The following TSHZ2 variants were observed in gnomAD, a reference collection of about 807,000 sequenced individuals.
TSHZ2 encodes the protein teashirt zinc finger homeobox 2, also known as teashirt homolog 2.
A neutral mutation model predicts 74.4 loss-of-function variants in TSHZ2; 21 were observed. The observed-to-expected ratio is 0.28, with a 90% CI of 0.20 to 0.41. The LOEUF (loss-of-function observed/expected upper bound fraction) is 0.41, where lower values mean the gene tolerates loss of function less well. Ranked by LOEUF, TSHZ2 falls within the 10% of genes least tolerant of loss-of-function variation. TSHZ2 has a pLI of 1.00. For synonymous variants in TSHZ2, 540 were observed against 515.3 expected (o/e 1.05, Z -0.65); for missense variants, 1,244 against 1,293.5 (o/e 0.96, Z 0.59).
chr20:53,185,820 T>C (rs578093055), intron 1 of TSHZ2: 18 of 1,102,350 alleles, frequency 1.6e-5, no homozygotes, highest in South Asian at 1.6e-4. Context: ...AGTAATTTAA[T>C]TGAGTTTTTA....
chr20:53,073,947 T>A (rs1985287739), intron 1 of TSHZ2, among the ~76,000 whole-genome samples: 1 of 152,192 alleles, frequency 6.6e-6, no homozygotes, highest in East Asian at 1.9e-4. Flanking sequence ...GGGGCAGGAT[T>A]TTGCTACATA....
At chr20:53,229,693 C>T (rs1989773740) in intron 1 of TSHZ2, among the ~76,000 whole-genome samples, 1 of 151,804 alleles carries the variant, frequency 6.6e-6, no homozygotes, top group African/African-American at 2.4e-5. Flanking sequence ...GCACTCTCTT[C>T]TCTGCCTTTC....
At position 53,058,415 on chromosome 20, in the gene TSHZ2, A is replaced by G. The variant is rs1984713375; in HGVS notation, c.40+85082A>G. ...AACTAATTCACCTGAAGTCACAATC[A>G]TAACAGGCTACAGTTTGTGAGGCCT... On this transcript the variant is annotated intron_variant, in intron 1 of 2. Coordinates refer to ENST00000371497, the MANE Select transcript of TSHZ2 (RefSeq NM_173485.6). Among the ~76,000 whole-genome samples the G allele has an allele frequency of 1.3e-5, 2 of 152,236 alleles. 1 individual carries two copies. The highest frequency in any genetic ancestry group is 4.1e-4 in the South Asian group (2 of 4,836).
At chr20:53,216,199 C>G (rs1234599192) in intron 1 of TSHZ2, among the ~76,000 whole-genome samples, 1 of 151,360 alleles carries the variant, frequency 6.6e-6, no homozygotes, top group Non-Finnish European at 1.5e-5. Context: ...AAGTCAACAC[C>G]CAAGGAATGT....
chr20:53,236,881 A>G (rs1437250242), intron 1 of TSHZ2, among the ~76,000 whole-genome samples: 1 of 152,164 alleles, frequency 6.6e-6, no homozygotes, highest in African/African-American at 2.4e-5. Context: ...TTCACTCACT[A>G]TTATAAGAAC....
At chr20:53,229,580 C>T (rs964358929) in intron 1 of TSHZ2, among the ~76,000 whole-genome samples, 18 of 152,180 alleles carry the variant, frequency 1.2e-4, no homozygotes, top group Non-Finnish European at 2.4e-4. Context: ...CATCCCAGTA[C>T]ACACGGTAGG....
intron 2 of TSHZ2, among the ~76,000 whole-genome samples, chr20:53,437,710 G>A (rs1984141983): frequency 6.6e-6 from 1 of 152,218 alleles, no homozygotes; most frequent in Non-Finnish European, 1.5e-5. Context: ...GTGGGGCCCA[G>A]TGGGAGGTGT....
intron 2 of TSHZ2, among the ~76,000 whole-genome samples, chr20:53,312,676 C>T (rs1011289229): frequency 2.0e-5 from 3 of 152,094 alleles, no homozygotes; most frequent in African/African-American, 4.8e-5. Context: ...CACGCTGTTC[C>T]GAGTTCTTAA....
intron 1 of TSHZ2, among the ~76,000 whole-genome samples, chr20:53,002,089 T>C (rs186059222): frequency 6.6e-6 from 1 of 152,352 alleles, no homozygotes; most frequent in East Asian, 1.9e-4. Context: ...GTAGTACAAG[T>C]GAGAGCCGGA....
intron 1 of TSHZ2, among the ~76,000 whole-genome samples, chr20:52,990,620 G>C (rs1193257268): frequency 6.6e-6 from 1 of 152,140 alleles, no homozygotes; most frequent in East Asian, 1.9e-4. Flanking sequence ...GGATGGGGTC[G>C]GGTCAGGGAA....
At chr20:52,977,785 GATTACA>G (rs1981401802) in intron 1 of TSHZ2, among the ~76,000 whole-genome samples, 1 of 152,156 alleles carries the variant, frequency 6.6e-6, no homozygotes, top group South Asian at 2.1e-4. Flanking sequence ...CTAATCAGCA[GATTACA>G]AGTGACAGAG....
At chr20:53,008,921 A>G (rs1351959992) in intron 1 of TSHZ2, among the ~76,000 whole-genome samples, 1 of 152,062 alleles carries the variant, frequency 6.6e-6, no homozygotes, top group Non-Finnish European at 1.5e-5. Flanking sequence ...AACAACAATA[A>G]AAAATAGAAC....
intron 1 of TSHZ2, among the ~76,000 whole-genome samples, chr20:53,116,596 A>C (rs1986674694): frequency 6.6e-6 from 1 of 152,068 alleles, no homozygotes; most frequent in South Asian, 2.1e-4. Flanking sequence ...TGCAGTGTGA[A>C]TAGTGTCCCC....
At chr20:53,046,690 G>C (rs1268836425) in intron 1 of TSHZ2, among the ~76,000 whole-genome samples, 3 of 152,026 alleles carry the variant, frequency 2.0e-5, no homozygotes, top group Non-Finnish European at 4.4e-5. Flanking sequence ...CAGTAGAGTA[G>C]GTATAGGCTT....
chr20:53,389,165 T>C (rs939964265), intron 2 of TSHZ2, among the ~76,000 whole-genome samples: 4 of 152,220 alleles, frequency 2.6e-5, no homozygotes, highest in Admixed American at 6.5e-5. Flanking sequence ...CATCTACAGA[T>C]AGGGTCCCCT....
At chr20:53,390,741 G>T (rs189697956) in intron 2 of TSHZ2, among the ~76,000 whole-genome samples, 1 of 152,266 alleles carries the variant, frequency 6.6e-6, no homozygotes, top group Admixed American at 6.5e-5. Flanking sequence ...TTCAACAATC[G>T]TTGAACTAAT....
chr20:53,154,675 G>A (rs754375159), intron 1 of TSHZ2, among the ~76,000 whole-genome samples: 29 of 152,168 alleles, frequency 1.9e-4, no homozygotes, highest in Non-Finnish European at 3.4e-4. Context: ...AACTATGAGA[G>A]CTGGGCTTGA....
chr20:53,206,045 C>A (rs1000721317), intron 1 of TSHZ2, among the ~76,000 whole-genome samples: 8 of 151,982 alleles, frequency 5.3e-5, no homozygotes, highest in South Asian at 2.1e-4. Context: ...GTGGTGAAAC[C>A]CCGTCTCTAC....
chr20:52,999,583 T>G (rs1253219000), intron 1 of TSHZ2, among the ~76,000 whole-genome samples: 1 of 152,182 alleles, frequency 6.6e-6, no homozygotes, highest in Non-Finnish European at 1.5e-5. Flanking sequence ...TATGTGACCA[T>G]AAAACTGAGC....
Sources: allele counts gnomAD v4.1 joint callset (sites outside exome capture counted in the v4.1 genomes callset), GRCh38; gene constraint gnomAD v4.1.1; transcripts MANE v1.5; gene names NCBI Gene and HGNC (gene_info 2026-07-23, HGNC 2026-07-21).